Variants in DAP3 observed in about 807,000 individuals in gnomAD.
DAP3 encodes death associated protein 3.
In DAP3, 28 loss-of-function variants were observed where a neutral mutation model predicts 51.9. The observed-to-expected ratio is 0.54, with a 90% CI of 0.40 to 0.74. The LOEUF is 0.74. Among genes scored for constraint, DAP3 ranks in the 30% least tolerant of loss-of-function variants. The pLI is 0.00. For synonymous variants in DAP3, 170 were observed against 170.3 expected (o/e 1.00, Z 0.01); for missense variants, 458 against 483.5 (o/e 0.95, Z 0.49).
At position 155,716,444 on chromosome 1, in the gene DAP3, G is replaced by A. The variant is rs1013630996; in HGVS notation, c.46-562G>A. Among the ~76,000 whole-genome samples the A allele has an allele frequency of 4.6e-5, 7 of 151,810 alleles. No homozygotes were observed. In the South Asian group the frequency reaches 6.3e-4, roughly 14 times the overall value. On this transcript the variant is annotated intron_variant, in intron 2 of 12. Coordinates refer to ENST00000368336, the MANE Select transcript of DAP3 (RefSeq NM_004632.4). ...AAAAATTAGCCAGGCGTGGTGGCGGGTGCCTGTAGTCCCAGCTACTCGGGA... is the reference window on the plus strand; with the variant it reads ...AAAAATTAGCCAGGCGTGGTGGCGGATGCCTGTAGTCCCAGCTACTCGGGA...
chr1:155,723,783 A>T (rs1295358751), intron 4 of DAP3, among the ~76,000 whole-genome samples: 3 of 152,220 alleles, frequency 2.0e-5, no homozygotes, highest in Non-Finnish European at 4.4e-5. Flanking sequence ...TCACGCCTGT[A>T]ATTCCAGCAC....
chr1:155,735,005 C>G (rs1019769152), intron 11 of DAP3, among the ~76,000 whole-genome samples: 1 of 151,262 alleles, frequency 6.6e-6, no homozygotes, highest in African/African-American at 2.4e-5. Context: ...TGGCTCATGC[C>G]TATAATCCCA....
At chr1:155,688,267 G>A (rs757459338), upstream of DAP3, 1 of 1,598,452 alleles carries the variant, frequency 6.3e-7, no homozygotes, top group Non-Finnish European at 8.5e-7. Context: ...GAGAGGAGGC[G>A]GATCCCGCAA....
In DAP3 at chr1:155,732,034, G is replaced by A. The variant is rs374944661; in HGVS notation, c.993+1G>A. The A allele has an allele frequency of 2.5e-6, 4 of 1,607,402 alleles. No homozygotes were observed. The African/African-American group carries it at 5.4e-5, about 22-fold the overall frequency. On this transcript the variant is annotated splice_donor_variant, in intron 11 of 12. Coordinates refer to ENST00000368336, the MANE Select transcript of DAP3 (RefSeq NM_004632.4). LOFTEE classifies it high-confidence loss of function. ...TCTGCCCCAGGAGTTGCTGGGAAAG[G>A]TCAAGTCAAAGGAAAATTTGTTTCT...
intron 2 of DAP3, among the ~76,000 whole-genome samples, chr1:155,714,562 C>G (rs1657103911): frequency 6.7e-6 from 1 of 150,254 alleles, no homozygotes; most frequent in Non-Finnish European, 1.5e-5. Context: ...GTCAGGAGTT[C>G]CAGACCAGCA....
intron 1 of DAP3, among the ~76,000 whole-genome samples, chr1:155,697,331 T>C (rs1354231257): frequency 6.6e-6 from 1 of 152,082 alleles, no homozygotes; most frequent in Non-Finnish European, 1.5e-5. Context: ...CAATTTTCTG[T>C]GTAGGTTTAG....
At chr1:155,724,727 C>CG (rs1557789997) in intron 4 of DAP3, among the ~76,000 whole-genome samples, 1 of 151,402 alleles carries the variant, frequency 6.6e-6, no homozygotes, top group Non-Finnish European at 1.5e-5. Flanking sequence ...GAGGCCAAGA[C>CG]GGGGGTGTCA....
At chr1:155,720,844 C>T (rs1657909940) in intron 3 of DAP3, among the ~76,000 whole-genome samples, 1 of 151,930 alleles carries the variant, frequency 6.6e-6, no homozygotes, top group African/African-American at 2.4e-5. Flanking sequence ...CAAGACCATC[C>T]TGGTCAACAT....
chr1:155,717,262 C>T (rs1028891441), intron 3 of DAP3, 134 bp downstream of exon 3: 2 of 1,361,784 alleles, frequency 1.5e-6, no homozygotes, highest in South Asian at 2.9e-5. Context: ...CCTGAGATAG[C>T]ACTCTGGAAC....
At chr1:155,702,151 TAAAAAA>T (rs71080722) in intron 1 of DAP3, among the ~76,000 whole-genome samples, 2,792 of 101,660 alleles carry the variant, frequency 0.027, 96 homozygotes, top group African/African-American at 0.11. Flanking sequence ...ATTCTGCCTA[TAAAAAA>T]AAAAAAAAAA....
intron 1 of DAP3, among the ~76,000 whole-genome samples, chr1:155,704,743 G>A (rs1263229341): frequency 6.6e-6 from 1 of 152,172 alleles, no homozygotes; most frequent in South Asian, 2.1e-4. Context: ...ACTTTGGGGG[G>A]CTGAGGCGGG....
intron 1 of DAP3, among the ~76,000 whole-genome samples, chr1:155,698,634 C>G (rs986621320): frequency 6.6e-6 from 1 of 152,150 alleles, no homozygotes; most frequent in Non-Finnish European, 1.5e-5. Flanking sequence ...TCTTTGTGCT[C>G]TTTTAAGGTC....
intron 11 of DAP3, among the ~76,000 whole-genome samples, chr1:155,733,250 G>A (rs1240175082): frequency 6.6e-6 from 1 of 152,160 alleles, no homozygotes; most frequent in Admixed American, 6.6e-5. Flanking sequence ...CCCATTACTG[G>A]TAATGATTTT....
At chr1:155,735,046 C>CCT (rs1372361167) in intron 11 of DAP3, among the ~76,000 whole-genome samples, 8 of 144,812 alleles carry the variant, frequency 5.5e-5, no homozygotes, top group East Asian at 4.1e-4. Context: ...GGGCAGATCA[C>CCT]GAGGTCAGGA....
intron 1 of DAP3, among the ~76,000 whole-genome samples, chr1:155,700,772 C>T (rs1261335730): frequency 4.9e-5 from 7 of 141,626 alleles, no homozygotes; most frequent in Non-Finnish European, 1.1e-4. Flanking sequence ...CCCAGCCAGC[C>T]GCGCCGTCTG....
intron 1 of DAP3, among the ~76,000 whole-genome samples, chr1:155,691,156 C>T (rs1653776346): frequency 7.0e-6 from 1 of 142,026 alleles, no homozygotes; most frequent in Non-Finnish European, 1.5e-5. Context: ...ATCCACCTGC[C>T]TCAGCCTCCC....
chr1:155,709,752 C>CTTTT, intron 1 of DAP3, 21 bp from the exon 2 acceptor site: 11 of 1,331,380 alleles, frequency 8.3e-6, no homozygotes, highest in Admixed American at 4.0e-5. Flanking sequence ...TACCTTTTCA[C>CTTTT]TTTTTTTTTT....
Position 155,731,973 on chromosome 1 carries a change from C to T in DAP3, c.933C>T (p.Ser311=). 1 of 1,611,662 alleles carries T rather than the reference C, an allele frequency of 6.2e-7. No homozygotes were observed. Reference sequence around the variant, plus strand: ...GAGGCGCCATTGTGTCGGCTTTGAGCCAGACTGGGTCTCTCTTTAAGCCCC... The same window carrying T: ...GAGGCGCCATTGTGTCGGCTTTGAGTCAGACTGGGTCTCTCTTTAAGCCCC... The part of the protein sequence containing the change: ...WHGGAIVSAL[S]QTGSLFKPRK... The change falls in exon 11 of 13, where the codon AGC becomes AGT. Residue 311 remains serine (S), a synonymous_variant. Coordinates refer to ENST00000368336, the MANE Select transcript of DAP3 (RefSeq NM_004632.4).
rs373985177 is a variant in DAP3 at position 155,729,220 on chromosome 1, G to A, written c.697G>A (p.Val233Met). Reference protein sequence around the residue: ...GEVVEQGITRVRNATDAVGIV... With the variant: ...GEVVEQGITRMRNATDAVGIV... The stretch of plus-strand genomic sequence containing the variant: ...TCTCTCCCAATAGGGCATAACACGG[G>A]TGAGGAACGCCACAGATGCAGTTGG... The change falls in exon 9 of 13, where the codon GTG becomes ATG. Residue 233 changes from valine to methionine, a missense_variant. Coordinates refer to ENST00000368336, the MANE Select transcript of DAP3 (RefSeq NM_004632.4). The A allele has an allele frequency of 6.2e-7, 1 of 1,614,212 alleles. No homozygotes were observed. Among genetic ancestry groups the A allele is most frequent in the Non-Finnish European group, 8.5e-7 (1 of 1,180,048 alleles).
Sources: allele counts gnomAD v4.1 joint callset (sites outside exome capture counted in the v4.1 genomes callset), GRCh38; gene constraint gnomAD v4.1.1; transcripts MANE v1.5; gene names NCBI Gene and HGNC (gene_info 2026-07-23, HGNC 2026-07-21).